Variants in FCHO1 observed in about 807,000 individuals in gnomAD.
The protein encoded by FCHO1 is FCH and mu domain containing endocytic adaptor 1.
Under a neutral mutation model 114.4 loss-of-function variants are expected in FCHO1, and 45 were observed. That is an observed-to-expected ratio of 0.39 (90% CI 0.31 to 0.50). The LOEUF (loss-of-function observed/expected upper bound fraction) is 0.50. Ranked by LOEUF, FCHO1 falls within the 20% of genes least tolerant of loss-of-function variation. The pLI is 0.77. For synonymous variants in FCHO1, 480 were observed against 488.9 expected, an observed-to-expected ratio of 0.98 and a Z score of 0.24; for missense variants, 1,042 against 1,209.6, an observed-to-expected ratio of 0.86 and a Z score of 2.06.
At chr19:17,770,694 C>T (rs775819738) in intron 8 of FCHO1, 98 bp from the exon 9 acceptor site, 26 of 1,580,192 alleles carry the variant, frequency 1.6e-5, no homozygotes, top group African/African-American at 9.4e-5. Context: ...TGATCACACC[C>T]TGGGTACCCC....
intron 20 of FCHO1, 40 bp from the exon 21 acceptor site, chr19:17,781,190 CG>C (rs766199991): frequency 2.7e-6 from 4 of 1,462,522 alleles, no homozygotes; most frequent in Admixed American, 1.9e-5. Flanking sequence ...CCAGAGGCCC[CG>C]GGCAGCATCT....
chr19:17,781,978 T>TA lies in FCHO1; in HGVS notation c.1937+159dup, dbSNP rs140021860. On this transcript the variant is annotated intron_variant, in intron 23 of 28. Coordinates refer to ENST00000596536, the MANE Select transcript of FCHO1 (RefSeq NM_015122.3). ...CCCTGTCCTGAGGGCAGTGGAGCCA[T>TA]AGGAGGGCCTTTTTTTTTTTTTTTT... 7.9e-3 allele frequency among the ~76,000 whole-genome samples: 1,138 copies of TA among 144,494 alleles called. 15 individuals carry two copies. Among genetic ancestry groups the TA allele is most frequent in the African/African-American group, 0.028 (1,095 of 38,528 alleles). The allele number at this position is 144,494 out of a possible 152,430, so 94.8% of individuals were successfully genotyped here.
upstream of FCHO1, among the ~76,000 whole-genome samples, chr19:17,750,842 T>TTTTTTTTTG: frequency 6.7e-6 from 1 of 149,766 alleles, no homozygotes. Context: ...TTTTTTTTTT[T>TTTTTTTTTG]TGAGATGGAG....
At chr19:17,762,311 T>C (rs2086623544) in intron 4 of FCHO1, among the ~76,000 whole-genome samples, 3 of 143,384 alleles carry the variant, frequency 2.1e-5, no homozygotes, top group South Asian at 4.5e-4. Flanking sequence ...TTTTTTTAAA[T>C]ATAAAAGCCC....
intron 20 of FCHO1, 63 bp from the exon 21 acceptor site, chr19:17,781,168 C>A: frequency 8.2e-7 from 1 of 1,226,584 alleles, no homozygotes; most frequent in Non-Finnish European, 1.2e-6. Flanking sequence ...AGTTTGTGCC[C>A]CTGGGGAGGC....
chr19:17,786,640 G>T lies in FCHO1; in HGVS notation c.2482+11G>T. ...TGTCCGAGGCAGGCGGTGAGCTGTG[G>T]TTGTGTATGAGGGCTGGGTGGGAGG... On this transcript the variant is annotated intron_variant, in intron 27 of 28. Transcript: ENST00000596536. 3.5e-6 allele frequency: 2 copies of T among 572,902 alleles called. No individual in the cohort carries two copies. The highest frequency in any genetic ancestry group is 6.3e-6 in the Non-Finnish European group (2 of 315,202). 35.5% of individuals were successfully genotyped at this position (572,902 alleles called of 1,614,324 possible). A position where few individuals can be genotyped will look rare whatever the true frequency, so the allele number is the denominator to read the frequency against.
upstream of FCHO1, among the ~76,000 whole-genome samples, chr19:17,749,217 A>G (rs902868892): frequency 2.0e-5 from 3 of 151,902 alleles, no homozygotes; most frequent in African/African-American, 7.3e-5. Context: ...TGTCCCTTGG[A>G]GCGCCCTCCC....
chr19:17,771,790 G>A (rs572268694), intron 9 of FCHO1, among the ~76,000 whole-genome samples: 1 of 152,182 alleles, frequency 6.6e-6, no homozygotes, highest in African/African-American at 2.4e-5. Flanking sequence ...TGCTCAAATA[G>A]TGCTGGCAGG....
At chr19:17,753,924 C>T (rs1345893150) in intron 1 of FCHO1, 1 of 152,326 alleles carries the variant, frequency 6.6e-6, no homozygotes, top group East Asian at 1.9e-4. Context: ...GCCTCGGTCC[C>T]CCAAAGTGCT....
chr19:17,781,463 G>A lies in FCHO1; in HGVS notation c.1752G>A (p.Leu584=), dbSNP rs772584427. 13 of 1,613,910 alleles carry A rather than the reference G, an allele frequency of 8.1e-6. No homozygotes were observed. The highest frequency in any genetic ancestry group is 9.3e-6 in the Non-Finnish European group (11 of 1,179,998). ...TCTTTCCCTTCCAGTCTCGTTCCCTGAGCCCCTCCCCACTGGGCTCTTCAG... is the reference window on the plus strand; with the variant it reads ...TCTTTCCCTTCCAGTCTCGTTCCCTAAGCCCCTCCCCACTGGGCTCTTCAG... ...TRSNGDLSRS[L]SPSPLGSSAA... is the part of the protein sequence containing the mutation. Residue 584 remains leucine, a synonymous_variant, in exon 22 of 29, where the codon CTG becomes CTA. Coordinates refer to ENST00000596536, the MANE Select transcript of FCHO1 (RefSeq NM_015122.3).
intron 4 of FCHO1, among the ~76,000 whole-genome samples, chr19:17,759,044 A>G (rs959668666): frequency 2.6e-5 from 4 of 151,950 alleles, no homozygotes; most frequent in Non-Finnish European, 2.9e-5. Flanking sequence ...AGGTTGGAGG[A>G]GGGCACAGGA....
chr19:17,783,218 A>T (rs1388465010), intron 24 of FCHO1, 46 bp downstream of exon 24: 1 of 1,583,078 alleles, frequency 6.3e-7, no homozygotes, highest in Admixed American at 1.8e-5. Flanking sequence ...GCTGCTGGGG[A>T]TCAGGCTTCC....
intron 26 of FCHO1, among the ~76,000 whole-genome samples, chr19:17,785,459 G>A (rs978804091): frequency 1.3e-5 from 2 of 152,002 alleles, no homozygotes; most frequent in Non-Finnish European, 2.9e-5. Flanking sequence ...CTGACCTCAG[G>A]TGATCCACCC....
At position 17,764,428 on chromosome 19, in the gene FCHO1, C is replaced by T. The variant is rs1422150010; in HGVS notation, c.173C>T (p.Ala58Val). ...SKAMAKLSKLASNGTPMGTFA... is the reference protein window; with the variant it reads ...SKAMAKLSKLVSNGTPMGTFA... Reference sequence around the variant, plus strand: ...GCGATGGCGAAACTCTCCAAGCTGGCCAGCAACGGGACCCCCATGGGGTGA... The same window carrying T: ...GCGATGGCGAAACTCTCCAAGCTGGTCAGCAACGGGACCCCCATGGGGTGA... Residue 58 changes from alanine to valine, a missense_variant, in exon 6 of 29, where the codon GCC becomes GTC. Around this residue, in one of 3 missense-constraint regions of FCHO1, gnomAD observed 450 missense variants for 564.1 expected, o/e 0.80. Transcript: ENST00000596536. 3 of 1,613,064 alleles carry T rather than the reference C, an allele frequency of 1.9e-6. No homozygotes were observed. Among genetic ancestry groups the T allele is most frequent in the Admixed American group, 3.3e-5 (2 of 59,912 alleles).
At position 17,781,274 on chromosome 19, in the gene FCHO1, G is replaced by C. The variant is rs746960353; in HGVS notation, c.1671G>C (p.Leu557=). 1 of 1,613,970 alleles carries C rather than the reference G, an allele frequency of 6.2e-7. No individual in the cohort carries two copies. The change falls in exon 21 of 29, where the codon CTG becomes CTC. Residue 557 remains leucine (L), a synonymous_variant. Transcript: ENST00000596536. ...CTGACCCCACAGCCAGGGAGGGCCT[G>C]GCAGCCCCACCCAGGAGACTTCGCT... ...APADPTAREG[L]AAPPRRLRSR...
intron 9 of FCHO1, among the ~76,000 whole-genome samples, chr19:17,771,526 G>A (rs1029202132): frequency 2.6e-5 from 4 of 151,626 alleles, no homozygotes; most frequent in South Asian, 2.1e-4. Flanking sequence ...AAAATTAGCC[G>A]GGCGTGGTGG....
intron 26 of FCHO1, 95 bp downstream of exon 26, chr19:17,785,019 C>A: frequency 1.6e-6 from 2 of 1,276,226 alleles, no homozygotes; most frequent in Non-Finnish European, 2.2e-6. Flanking sequence ...GCACCCTCGG[C>A]CTGACCGTTA....
chr19:17,776,495 C>T lies in FCHO1; in HGVS notation c.1208-140C>T. Reference sequence around the variant, plus strand: ...GCATCTGGAGACAGGCTCGCTTAGGCTTGAATCCATGTCTGCCTGATTTGC... The same window carrying T: ...GCATCTGGAGACAGGCTCGCTTAGGTTTGAATCCATGTCTGCCTGATTTGC... On this transcript the variant is annotated intron_variant, in intron 17 of 28. Transcript: ENST00000596536. The surrounding 1 kb of genome is among the most constrained non-coding windows in gnomAD (Gnocchi z 4.4). The T allele has an allele frequency of 2.8e-6, 3 of 1,089,542 alleles. No individual in the cohort carries two copies. The South Asian group carries it at 4.0e-5, about 15-fold the overall frequency. 67.5% of individuals were successfully genotyped at this position (1,089,542 alleles called of 1,614,324 possible).
intron 6 of FCHO1, 102 bp downstream of exon 6, chr19:17,764,551 C>T: frequency 8.1e-6 from 7 of 863,318 alleles, no homozygotes; most frequent in Admixed American, 2.9e-5. Flanking sequence ...TCATCCACCT[C>T]GATTATGGGG....
Sources: gnomAD v4.1 joint callset for allele counts (sites outside exome capture counted in the v4.1 genomes callset) on GRCh38, gnomAD v4.1.1 for gene constraint, gnomAD v4.1.1 regional missense constraint, Gnocchi (gnomAD v3.1) non-coding constraint, MANE v1.5 for transcripts, NCBI Gene and HGNC (gene_info 2026-07-23, HGNC 2026-07-21) for gene names.